The following SCLT1 variants were observed in gnomAD, a reference collection of about 807,000 sequenced individuals.
SCLT1 encodes sodium channel and clathrin linker 1, also known as sodium channel-associated protein 1.
SCLT1 carries 78 observed loss-of-function variants against 112.8 expected under a neutral mutation model. The ratio of observed to expected loss-of-function variants is 0.69; its 90% confidence interval spans 0.58 to 0.83. SCLT1 has a LOEUF of 0.83. SCLT1 is among the 40% of genes least tolerant of loss of function. The pLI is 0.00. For synonymous variants in SCLT1, 257 were observed against 254.7 expected, an observed-to-expected ratio of 1.01 and a Z score of -0.09; for missense variants, 747 against 770.4, an observed-to-expected ratio of 0.97 and a Z score of 0.36.
chr4:129,044,018 A>G lies in SCLT1; in HGVS notation c.136T>C (p.Phe46Leu). The G allele has an allele frequency of 6.4e-7, 1 of 1,562,400 alleles. No homozygotes were observed. The highest frequency in any genetic ancestry group is 8.8e-7 in the Non-Finnish European group (1 of 1,138,404). The change falls in exon 3 of 21, where the codon TTT becomes CTT. Residue 46 changes from phenylalanine (F) to leucine (L), a missense_variant. This residue lies in a region of SCLT1 where 723 missense variants were observed against 721.3 expected (regional missense o/e 1.00). Coordinates refer to ENST00000281142, the MANE Select transcript of SCLT1 (RefSeq NM_144643.4). ...CTTTGGTCAAATACTAGGTTTTCAA[A>G]TGTGTCGTCTCCTTCTCCTTGGCAG... Reference protein sequence around the residue: ...AVCQGEGDDTFENLVFDQSFL... With the variant: ...AVCQGEGDDTLENLVFDQSFL...
At chr4:128,919,830 C>A (rs1461360590) in intron 18 of SCLT1, among the ~76,000 whole-genome samples, 1 of 151,990 alleles carries the variant, frequency 6.6e-6, no homozygotes, top group Non-Finnish European at 1.5e-5. Flanking sequence ...AAACATACAA[C>A]CTTCCAATAT....
At chr4:129,051,150 A>C (rs1481349347) in intron 2 of SCLT1, among the ~76,000 whole-genome samples, 1 of 152,064 alleles carries the variant, frequency 6.6e-6, no homozygotes, top group Non-Finnish European at 1.5e-5. Context: ...GTTTGAAGTC[A>C]GGTAGCATGA....
chr4:128,977,208 T>G (rs1318194159), intron 9 of SCLT1, among the ~76,000 whole-genome samples: 1 of 152,214 alleles, frequency 6.6e-6, no homozygotes. Context: ...CAAATATTTA[T>G]TGAATGCTTA....
At chr4:129,027,893 G>C (rs1262795392) in intron 5 of SCLT1, among the ~76,000 whole-genome samples, 1 of 152,098 alleles carries the variant, frequency 6.6e-6, no homozygotes, top group Admixed American at 6.5e-5. Context: ...CAGACAAACA[G>C]AGAGCCAAAT....
intron 18 of SCLT1, among the ~76,000 whole-genome samples, chr4:128,904,284 C>T (rs1339803067): frequency 2.0e-5 from 3 of 152,100 alleles, no homozygotes; most frequent in Non-Finnish European, 4.4e-5. Context: ...TCATCAGTGT[C>T]TCATACGTTT....
At position 129,043,178 on chromosome 4, in the gene SCLT1, C is replaced by T. The variant is rs112603184; in HGVS notation, c.234+217G>A. 5.5e-3 allele frequency among the ~76,000 whole-genome samples: 832 copies of T among 152,242 alleles called. 8 individuals are homozygous for T. Among genetic ancestry groups the T allele is most frequent in the African/African-American group, 0.019 (783 of 41,556 alleles). On this transcript the variant is annotated intron_variant, in intron 4 of 20. Coordinates refer to ENST00000281142, the MANE Select transcript of SCLT1 (RefSeq NM_144643.4). The stretch of plus-strand genomic sequence containing the variant: ...CTTCCTGTCTCAGCCTCCCAAAGTG[C>T]TGGGATTATAGGCATAAGCCACCGC...
chr4:128,881,223 TTAGGTA>T (rs1255424386), downstream of SCLT1, among the ~76,000 whole-genome samples: 3 of 152,168 alleles, frequency 2.0e-5, no homozygotes, highest in Non-Finnish European at 4.4e-5. Flanking sequence ...TATGTATGTT[TTAGGTA>T]AACTAGACAA....
At chr4:129,010,365 T>C (rs1560960300) in intron 5 of SCLT1, among the ~76,000 whole-genome samples, 3 of 152,238 alleles carry the variant, frequency 2.0e-5, no homozygotes, top group African/African-American at 7.2e-5. Context: ...TCCAGCTTTC[T>C]TATTTTTGCT....
At chr4:128,874,482 C>T (rs1181017525) in intron 4 of SCLT1, 1 of 143,558 alleles carries the variant, frequency 7.0e-6, no homozygotes, top group Admixed American at 7.0e-5. Context: ...CCAAAAAAAA[C>T]AAAACAAAAA....
chr4:128,959,922 T>C (rs1739536534), intron 11 of SCLT1, 145 bp from the exon 12 acceptor site: 1 of 642,924 alleles, frequency 1.6e-6, no homozygotes, highest in Admixed American at 3.0e-5. Context: ...ATTACCCTTC[T>C]ATAAAGTAGG....
At chr4:129,003,500 CA>C (rs1408881049) in intron 6 of SCLT1, among the ~76,000 whole-genome samples, 2 of 148,858 alleles carry the variant, frequency 1.3e-5, no homozygotes, top group Non-Finnish European at 3.0e-5. Context: ...AAACTCACGT[CA>C]AAATCTTTAT....
At chr4:129,029,158 C>T (rs1371139868) in intron 5 of SCLT1, among the ~76,000 whole-genome samples, 2 of 152,036 alleles carry the variant, frequency 1.3e-5, no homozygotes, top group Non-Finnish European at 1.5e-5. Flanking sequence ...ACCATTTGAC[C>T]CAGCCATTCC....
intron 2 of SCLT1, among the ~76,000 whole-genome samples, chr4:129,053,406 G>A (rs1248363020): frequency 1.3e-5 from 2 of 151,714 alleles, no homozygotes; most frequent in Non-Finnish European, 2.9e-5. Context: ...TATAAATCTG[G>A]GTCCTCCTGT....
chr4:129,006,112 C>T (rs1743990192), intron 5 of SCLT1, among the ~76,000 whole-genome samples: 1 of 151,432 alleles, frequency 6.6e-6, no homozygotes, highest in Non-Finnish European at 1.5e-5. Flanking sequence ...CACAGGTATA[C>T]ATATGTAACT....
At chr4:128,947,432 T>C (rs1426770907) in intron 15 of SCLT1, among the ~76,000 whole-genome samples, 2 of 152,194 alleles carry the variant, frequency 1.3e-5, no homozygotes, top group Non-Finnish European at 2.9e-5. Flanking sequence ...AATTGTACAT[T>C]ATGTTTTGCT....
At chr4:128,981,602 A>G (rs747359621) in intron 9 of SCLT1, among the ~76,000 whole-genome samples, 5 of 152,012 alleles carry the variant, frequency 3.3e-5, no homozygotes, top group Non-Finnish European at 7.4e-5. Context: ...TCGAGTCCCT[A>G]CAATTTCATC....
At chr4:129,008,391 TTATCTTACTGC>T (rs767304608) in intron 5 of SCLT1, among the ~76,000 whole-genome samples, 1 of 152,226 alleles carries the variant, frequency 6.6e-6, no homozygotes, top group Non-Finnish European at 1.5e-5. Flanking sequence ...GAAAAGTCAG[TTATCTTACTGC>T]TATTCCTTTG....
intron 2 of SCLT1, among the ~76,000 whole-genome samples, chr4:129,058,491 T>C (rs1233255709): frequency 1.3e-5 from 2 of 152,222 alleles, no homozygotes; most frequent in Non-Finnish European, 2.9e-5. Flanking sequence ...CAAGAGCATG[T>C]TGTTTAATTT....
At chr4:129,088,195 T>C (rs1752559277) in intron 1 of SCLT1, among the ~76,000 whole-genome samples, 1 of 152,194 alleles carries the variant, frequency 6.6e-6, no homozygotes, top group African/African-American at 2.4e-5. Context: ...GTGGAATTTA[T>C]CCCAGAAAGG....
Sources: allele counts gnomAD v4.1 joint callset (sites outside exome capture counted in the v4.1 genomes callset), GRCh38; gene constraint gnomAD v4.1.1; regional missense constraint gnomAD v4.1.1; transcripts MANE v1.5; gene names NCBI Gene and HGNC (gene_info 2026-07-23, HGNC 2026-07-21).